The following KCNH8 variants were observed in gnomAD, a reference collection of about 807,000 sequenced individuals.
KCNH8 encodes the protein voltage-gated delayed rectifier potassium channel KCNH8.
Under a neutral mutation model 103.6 loss-of-function variants are expected in KCNH8, and 70 were observed. The ratio of observed to expected loss-of-function variants is 0.68; its 90% confidence interval spans 0.56 to 0.82. The LOEUF (loss-of-function observed/expected upper bound fraction) is 0.82. Ranked by LOEUF, KCNH8 falls within the 40% of genes least tolerant of loss-of-function variation. The pLI is 0.00. For missense variants in KCNH8, 1,217 were observed against 1,329.9 expected (o/e 0.92, Z 1.32); for synonymous variants, 498 against 489.4 (o/e 1.02, Z -0.23).
chr3:19,448,910 C>T, intron 8 of KCNH8: 1 of 1,129,172 alleles, frequency 8.9e-7, no homozygotes, highest in African/African-American at 1.6e-5. Context: ...ACGTGCTTGA[C>T]CCTCATCTTT....
At chr3:19,264,048 GC>G (rs2064472204) in intron 2 of KCNH8, among the ~76,000 whole-genome samples, 1 of 151,982 alleles carries the variant, frequency 6.6e-6, no homozygotes, top group East Asian at 1.9e-4. Context: ...GACTTTGCAT[GC>G]CCTCAAATAG....
At chr3:19,268,427 G>A (rs562615108) in intron 2 of KCNH8, among the ~76,000 whole-genome samples, 34 of 152,120 alleles carry the variant, frequency 2.2e-4, no homozygotes, top group African/African-American at 7.5e-4. Flanking sequence ...TTTGAGACAC[G>A]GAGAGAAGGC....
intron 11 of KCNH8, among the ~76,000 whole-genome samples, chr3:19,470,344 C>G (rs1427300171): frequency 6.6e-6 from 1 of 152,184 alleles, no homozygotes; most frequent in East Asian, 1.9e-4. Flanking sequence ...CATTATCTCT[C>G]TGTTTCTTAC....
chr3:19,398,306 G>A (rs1252907147), intron 7 of KCNH8, among the ~76,000 whole-genome samples: 1 of 151,952 alleles, frequency 6.6e-6, no homozygotes, highest in Non-Finnish European at 1.5e-5. Context: ...AATAGGTATA[G>A]AGGGGTGGCA....
chr3:19,189,772 T>TA (rs1407904688), intron 1 of KCNH8, among the ~76,000 whole-genome samples: 1 of 151,994 alleles, frequency 6.6e-6, no homozygotes, highest in Non-Finnish European at 1.5e-5. Flanking sequence ...ATGACAAACT[T>TA]ACATGAAATA....
At chr3:19,516,305 A>T (rs1008111201) in intron 14 of KCNH8, among the ~76,000 whole-genome samples, 1 of 152,112 alleles carries the variant, frequency 6.6e-6, no homozygotes, top group African/African-American at 2.4e-5. Flanking sequence ...TTTCTCTGGT[A>T]GAATACCAGC....
At chr3:19,255,897 G>A (rs955628462) in intron 2 of KCNH8, among the ~76,000 whole-genome samples, 1 of 152,106 alleles carries the variant, frequency 6.6e-6, no homozygotes, top group African/African-American at 2.4e-5. Flanking sequence ...AGAGCAACAA[G>A]ATAGAAGGAA....
intron 5 of KCNH8, among the ~76,000 whole-genome samples, chr3:19,385,853 G>A (rs993089950): frequency 7.9e-5 from 12 of 151,958 alleles, no homozygotes; most frequent in African/African-American, 1.5e-4. Flanking sequence ...ATATCTCTCC[G>A]CCCACACTGT....
intron 2 of KCNH8, among the ~76,000 whole-genome samples, chr3:19,260,486 GGATATATA>G (rs1475738662): frequency 2.5e-5 from 1 of 39,640 alleles, no homozygotes; most frequent in East Asian, 8.0e-4. Context: ...TTACTCTATA[GGATATATA>G]TATATATATA....
intron 11 of KCNH8, among the ~76,000 whole-genome samples, chr3:19,461,676 T>C (rs971450789): frequency 2.0e-5 from 3 of 150,902 alleles, no homozygotes; most frequent in African/African-American, 7.3e-5. Context: ...TTTGTTTCTT[T>C]GTTATTATAC....
chr3:19,220,038 T>G (rs1160845261), intron 1 of KCNH8, among the ~76,000 whole-genome samples: 1 of 152,174 alleles, frequency 6.6e-6, no homozygotes, highest in Non-Finnish European at 1.5e-5. Context: ...TCTCCCATGG[T>G]TCTCTCGTAG....
At chr3:19,297,142 A>G (rs537379155) in intron 3 of KCNH8, among the ~76,000 whole-genome samples, 2 of 152,324 alleles carry the variant, frequency 1.3e-5, no homozygotes, top group African/African-American at 4.8e-5. Context: ...AATGTACTCA[A>G]GAGCATGGAA....
At chr3:19,463,038 C>A (rs1258756365) in intron 11 of KCNH8, among the ~76,000 whole-genome samples, 1 of 152,014 alleles carries the variant, frequency 6.6e-6, no homozygotes, top group African/African-American at 2.4e-5. Context: ...ATCATAACTC[C>A]CTAAACAATA....
At chr3:19,281,954 A>G (rs966528984) in intron 3 of KCNH8, among the ~76,000 whole-genome samples, 4 of 152,118 alleles carry the variant, frequency 2.6e-5, no homozygotes, top group African/African-American at 7.2e-5. Flanking sequence ...CATTTTGTAT[A>G]AGCTGACAAA....
At chr3:19,198,161 T>C (rs1272936089) in intron 1 of KCNH8, among the ~76,000 whole-genome samples, 2 of 152,042 alleles carry the variant, frequency 1.3e-5, no homozygotes, top group African/African-American at 4.8e-5. Flanking sequence ...AATGGACAAA[T>C]AACCATTCCA....
intron 3 of KCNH8, among the ~76,000 whole-genome samples, chr3:19,297,287 A>C (rs1186369010): frequency 6.6e-6 from 1 of 152,264 alleles, no homozygotes; most frequent in East Asian, 1.9e-4. Context: ...TCTCATGGTT[A>C]GAGTGCTATA....
At chr3:19,354,130 A>G (rs532131372) in intron 5 of KCNH8, among the ~76,000 whole-genome samples, 349 of 152,310 alleles carry the variant, frequency 2.3e-3, no homozygotes, top group African/African-American at 7.9e-3. Flanking sequence ...CCCATTCACA[A>G]TGGCTTCAAA....
chr3:19,490,065 G>T (rs139872833), intron 11 of KCNH8, among the ~76,000 whole-genome samples: 1 of 152,180 alleles, frequency 6.6e-6, no homozygotes, highest in African/African-American at 2.4e-5. Context: ...CTGACGAGGC[G>T]TTCCACCAGG....
intron 15 of KCNH8, among the ~76,000 whole-genome samples, chr3:19,522,500 T>C (rs1033222598): frequency 5.3e-5 from 8 of 151,890 alleles, no homozygotes; most frequent in Admixed American, 3.9e-4. Flanking sequence ...CTTCAACTGA[T>C]TGGATGAGGC....
Sources: gnomAD v4.1 joint callset for allele counts (sites outside exome capture counted in the v4.1 genomes callset) on GRCh38, gnomAD v4.1.1 for gene constraint, MANE v1.5 for transcripts, NCBI Gene and HGNC (gene_info 2026-07-23, HGNC 2026-07-21) for gene names.